Variants in SATL1 observed in about 807,000 individuals in gnomAD.
SATL1 encodes spermidine/spermine N1-acetyl transferase like 1, also known as spermidine/spermine N(1)-acetyltransferase-like protein 1.
A neutral mutation model predicts 51.8 loss-of-function variants in SATL1; 47 were observed. The observed-to-expected ratio is 0.91, with a 90% CI of 0.72 to 1.16. The LOEUF (loss-of-function observed/expected upper bound fraction) is 1.16, where lower values mean the gene tolerates loss of function less well. SATL1 is among the 50% of genes most tolerant of loss of function. The pLI is 0.00. For missense variants in SATL1, 520 were observed against 526.4 expected, an observed-to-expected ratio of 0.99 and a Z score of 0.12; for synonymous variants, 176 against 182.4, an observed-to-expected ratio of 0.97 and a Z score of 0.28.
intron 3 of SATL1, among the ~76,000 whole-genome samples, chrX:85,104,370 A>G (rs1255681605): frequency 3.6e-5 from 4 of 111,744 alleles, no homozygotes; most frequent in African/African-American, 1.3e-4. Flanking sequence ...ATTTTATTTT[A>G]CATACTCAGG....
At chrX:85,093,028 CA>C in intron 7 of SATL1, 156 bp downstream of exon 7, 1 of 479,824 alleles carries the variant, frequency 2.1e-6, no homozygotes, top group South Asian at 4.1e-5. Flanking sequence ...TGTATATGAT[CA>C]TCTGATTTGA....
At chrX:85,125,822 T>A (rs1349492308) in intron 2 of SATL1, among the ~76,000 whole-genome samples, 1 of 110,279 alleles carries the variant, frequency 9.1e-6, no homozygotes, top group Non-Finnish European at 1.9e-5. Flanking sequence ...TTGCAAGCAG[T>A]GTCTTAAATT....
intron 2 of SATL1, chrX:85,211,777 A>G (rs1927929673): frequency 8.9e-6 from 1 of 111,736 alleles, no homozygotes; most frequent in South Asian, 3.7e-4. Flanking sequence ...TAGGCAAACA[A>G]TAGACAGATA....
chrX:85,156,563 A>AT (rs1926591836), intron 2 of SATL1: 2 of 109,644 alleles, frequency 1.8e-5, no homozygotes, highest in South Asian at 7.7e-4. Flanking sequence ...AATTGCACAA[A>AT]TATGGGATGG....
chrX:85,169,687 T>C (rs945890149), intron 2 of SATL1, among the ~76,000 whole-genome samples: 5 of 111,699 alleles, frequency 4.5e-5, no homozygotes, highest in Middle Eastern at 8.4e-3. Flanking sequence ...GGTAAATTAA[T>C]TCAACAATTG....
At chrX:85,197,999 TC>T (rs932453813) in intron 2 of SATL1, among the ~76,000 whole-genome samples, 6 of 111,036 alleles carry the variant, frequency 5.4e-5, no homozygotes, top group Non-Finnish European at 1.1e-4. Flanking sequence ...CTTCTCAGCC[TC>T]TGGTAGCCAT....
chrX:85,108,662 C>A lies in SATL1; in HGVS notation c.307G>T (p.Gly103Cys), dbSNP rs763951045. 3.0e-5 allele frequency: 36 copies of A among 1,198,822 alleles called. No homozygotes were observed. The highest frequency in any genetic ancestry group is 3.9e-5 in the Non-Finnish European group (35 of 889,402). The change falls in exon 3 of 8, where the codon GGC (glycine) becomes TGC (cysteine). Residue 103 changes from glycine (G) to cysteine (C), a missense_variant. Coordinates refer to ENST00000644105, the MANE Select transcript of SATL1 (RefSeq NM_001367857.2). ...ELSQLVLSKA[G>C]ISQPDPSQPG... ...TGCGATGGGTCTGGTTGGCTTATGCCTGCTTTGCTCAGGACTAGTTGGCTC... is the reference window on the plus strand; with the variant it reads ...TGCGATGGGTCTGGTTGGCTTATGCATGCTTTGCTCAGGACTAGTTGGCTC...
At chrX:85,208,506 C>T (rs1927838387) in intron 2 of SATL1, among the ~76,000 whole-genome samples, 1 of 111,773 alleles carries the variant, frequency 8.9e-6, no homozygotes, top group South Asian at 3.7e-4. Context: ...AACTAATTTA[C>T]ACTCCCACCA....
intron 1 of SATL1, among the ~76,000 whole-genome samples, chrX:85,240,825 C>T (rs1261918974): frequency 3.7e-5 from 4 of 107,922 alleles, no homozygotes; most frequent in Non-Finnish European, 7.7e-5. Flanking sequence ...GGGGTTTCAC[C>T]GTGTTAGCCA....
intron 2 of SATL1, among the ~76,000 whole-genome samples, chrX:85,134,161 A>G: frequency 9.2e-6 from 1 of 108,478 alleles, no homozygotes; most frequent in South Asian, 3.8e-4. Flanking sequence ...GTGTGTATGT[A>G]TATATATGTG....
intron 2 of SATL1, among the ~76,000 whole-genome samples, chrX:85,141,694 TAAC>T (rs1466228781): frequency 1.8e-5 from 2 of 110,856 alleles, no homozygotes; most frequent in African/African-American, 6.6e-5. Flanking sequence ...CAGTTTACAA[TAAC>T]AACAATAATA....
chrX:85,183,616 T>C (rs755224415), intron 2 of SATL1, among the ~76,000 whole-genome samples: 1 of 111,042 alleles, frequency 9.0e-6, no homozygotes, highest in Non-Finnish European at 1.9e-5. Context: ...ATGTCATGAG[T>C]ATTTTGTTTT....
At position 85,196,098 on chromosome X, in the gene SATL1, C is replaced by T. The variant is rs66477522; in HGVS notation, c.-313+28107G>A. On this transcript the variant is annotated intron_variant, in intron 2 of 7. Coordinates refer to ENST00000644105, the MANE Select transcript of SATL1 (RefSeq NM_001367857.2). ...ACTGAGCCTGTGGTTGAAATTGAGC[C>T]GGATACAAGATCAATATACAAAAAT... is the stretch of plus-strand genomic sequence containing the variant. Among the ~76,000 whole-genome samples, 46 of 108,021 alleles carry T rather than the reference C, an allele frequency of 4.3e-4. No homozygotes were observed. In the East Asian group the frequency reaches 0.012, roughly 28 times the overall value. 93.8% of individuals were successfully genotyped at this position (108,021 alleles called of 115,157 possible). A position where few individuals can be genotyped will look rare whatever the true frequency, so the allele number is the denominator to read the frequency against.
At chrX:85,205,272 T>C (rs1040343296) in intron 2 of SATL1, among the ~76,000 whole-genome samples, 1 of 112,384 alleles carries the variant, frequency 8.9e-6, no homozygotes, top group Non-Finnish European at 1.9e-5. Flanking sequence ...ACAAAATTTA[T>C]TGAATGCCTA....
chrX:85,120,652 T>C (rs955467140), intron 2 of SATL1, among the ~76,000 whole-genome samples: 1 of 112,097 alleles, frequency 8.9e-6, no homozygotes, highest in Non-Finnish European at 1.9e-5. Flanking sequence ...TTATGTAATA[T>C]CTTGAAACAT....
chrX:85,093,118 A>G, intron 7 of SATL1, 67 bp downstream of exon 7: 1 of 1,001,690 alleles, frequency 1.0e-6, no homozygotes, highest in Non-Finnish European at 1.4e-6. Flanking sequence ...GATTTAATTT[A>G]TGCCCTGTGA....
At chrX:85,191,491 G>A (rs1013630004) in intron 2 of SATL1, among the ~76,000 whole-genome samples, 6 of 111,108 alleles carry the variant, frequency 5.4e-5, no homozygotes, top group African/African-American at 2.0e-4. Context: ...GTGGGGGTTA[G>A]GAGCACTGAC....
intron 4 of SATL1, among the ~76,000 whole-genome samples, chrX:85,099,746 C>T (rs1924841473): frequency 9.0e-6 from 1 of 111,617 alleles, no homozygotes; most frequent in South Asian, 3.8e-4. Flanking sequence ...GGACATTCCT[C>T]AACATGATAC....
intron 2 of SATL1, among the ~76,000 whole-genome samples, chrX:85,149,705 T>C (rs1194319215): frequency 3.6e-5 from 4 of 111,256 alleles, no homozygotes; most frequent in Non-Finnish European, 7.5e-5. Context: ...AACCTGCTCC[T>C]GAATGACTAC....
Sources: allele counts gnomAD v4.1 joint callset (sites outside exome capture counted in the v4.1 genomes callset), GRCh38; gene constraint gnomAD v4.1.1; transcripts MANE v1.5; gene names NCBI Gene and HGNC (gene_info 2026-07-23, HGNC 2026-07-21).